PDE11A: variants seen among roughly 807,000 people sequenced by gnomAD.
The protein encoded by PDE11A is phosphodiesterase 11A, also known as dual 3',5'-cyclic-AMP and -GMP phosphodiesterase 11A.
Under a neutral mutation model 100.5 loss-of-function variants are expected in PDE11A, and 100 were observed. The ratio of observed to expected loss-of-function variants is 1.00; its 90% CI spans 0.85 to 1.18. PDE11A has a LOEUF of 1.18. Among genes scored for constraint, PDE11A ranks in the 50% most tolerant of loss-of-function variants. The pLI is 0.00. For synonymous variants in PDE11A, 381 were observed against 420.8 expected, an observed-to-expected ratio of 0.91 and a Z score of 1.16; for missense variants, 1,141 against 1,152.6, an observed-to-expected ratio of 0.99 and a Z score of 0.15.
intron 10 of PDE11A, among the ~76,000 whole-genome samples, chr2:177,756,877 A>C (rs1432996609): frequency 6.6e-6 from 1 of 152,220 alleles, no homozygotes; most frequent in African/African-American, 2.4e-5. Flanking sequence ...AACAAACCAA[A>C]ACATTCTTAG....
intron 6 of PDE11A, among the ~76,000 whole-genome samples, chr2:177,827,262 C>T (rs2083239937): frequency 6.6e-6 from 1 of 152,190 alleles, no homozygotes; most frequent in Non-Finnish European, 1.5e-5. Context: ...TGAAGAGCTA[C>T]AGAGTTCAGA....
rs184932304 is a variant in PDE11A, at chr2:178,006,961, G to A, written c.1071+7341C>T. ...CCTCTGTCTTGGCAGCATTTTAGAA[G>A]AGTGAATGAGAAAGACTTCAGTTCT... On this transcript the variant is annotated intron_variant, in intron 2 of 19. Transcript: ENST00000286063. 1.9e-3 allele frequency among the ~76,000 whole-genome samples: 284 copies of A among 152,274 alleles called. 3 individuals carry two copies. The South Asian group carries it at 0.023, about 12-fold the overall frequency.
intron 2 of PDE11A, among the ~76,000 whole-genome samples, chr2:178,096,770 A>G (rs1354726733): frequency 1.3e-5 from 2 of 152,228 alleles, no homozygotes; most frequent in Non-Finnish European, 2.9e-5. Flanking sequence ...GGTCAAAACC[A>G]TTCAACAAGT....
chr2:177,778,581 T>C (rs898056725), intron 9 of PDE11A, among the ~76,000 whole-genome samples: 4 of 152,202 alleles, frequency 2.6e-5, no homozygotes, highest in Non-Finnish European at 5.9e-5. Context: ...AAATAATTTA[T>C]ATTGATGAGC....
chr2:177,831,835 A>T (rs1201976436), intron 6 of PDE11A, among the ~76,000 whole-genome samples: 1 of 152,204 alleles, frequency 6.6e-6, no homozygotes, highest in Non-Finnish European at 1.5e-5. Context: ...TGATGCAGGG[A>T]TTGTAAATGT....
chr2:177,861,336 C>G lies in PDE11A; in HGVS notation c.1367+14523G>C, dbSNP rs1468975286. Reference sequence around the variant, plus strand: ...AAAATAATTTCATTTACAATAATATCAAAAAGAAAAAAACAGGAATAAATG... The same window carrying G: ...AAAATAATTTCATTTACAATAATATGAAAAAGAAAAAAACAGGAATAAATG... On this transcript the variant is annotated intron_variant, in intron 5 of 19. Transcript: ENST00000286063. 2.7e-5 allele frequency among the ~76,000 whole-genome samples: 4 copies of G among 150,622 alleles called. No individual in the cohort carries two copies. The South Asian group carries it at 8.4e-4, about 31-fold the overall frequency.
At chr2:177,794,816 C>G (rs62184508) in intron 9 of PDE11A, among the ~76,000 whole-genome samples, 31,575 of 151,854 alleles carry the variant, frequency 0.21, 3,645 homozygotes, top group Non-Finnish European at 0.23. Context: ...GACAGAGTCT[C>G]GCACTGTTGC....
chr2:178,039,366 T>C (rs1387360476), intron 1 of PDE11A, among the ~76,000 whole-genome samples: 1 of 152,042 alleles, frequency 6.6e-6, no homozygotes, highest in Non-Finnish European at 1.5e-5. Flanking sequence ...CAACAGACAT[T>C]GGGGTCTACT....
chr2:177,871,561 T>C (rs13010993), intron 5 of PDE11A, among the ~76,000 whole-genome samples: 14,368 of 130,356 alleles, frequency 0.11, 878 homozygotes, highest in African/African-American at 0.21. Context: ...TTATTATTAT[T>C]ATTATTATTA....
At chr2:177,971,726 G>C (rs765201452) in intron 2 of PDE11A, among the ~76,000 whole-genome samples, 5 of 151,982 alleles carry the variant, frequency 3.3e-5, no homozygotes, top group Non-Finnish European at 7.4e-5. Flanking sequence ...AGGTCACCAG[G>C]GTATTTCTCT....
At chr2:177,717,721 T>C (rs1160493735) in intron 12 of PDE11A, among the ~76,000 whole-genome samples, 1 of 152,172 alleles carries the variant, frequency 6.6e-6, no homozygotes, top group African/African-American at 2.4e-5. Flanking sequence ...TATTCCTTCA[T>C]TGGGCTGAAA....
intron 1 of PDE11A, chr2:178,105,685 G>T (rs1397993184): frequency 3.5e-6 from 3 of 847,296 alleles, no homozygotes; most frequent in Non-Finnish European, 1.7e-6. Context: ...CATAATGAAG[G>T]CCCTGAATGT....
intron 5 of PDE11A, among the ~76,000 whole-genome samples, chr2:177,859,783 A>G (rs1193786519): frequency 3.9e-5 from 6 of 152,094 alleles, no homozygotes; most frequent in East Asian, 3.9e-4. Flanking sequence ...TCCAAACACA[A>G]TGTGATAGAA....
chr2:177,675,413 CA>C (rs1559137927), intron 17 of PDE11A, 41 bp downstream of exon 17: 2 of 1,438,398 alleles, frequency 1.4e-6, no homozygotes, highest in Non-Finnish European at 2.0e-6. Context: ...TTACGCCCCC[CA>C]GTCCCTCCTC....
chr2:177,900,096 T>A (rs1057100979), intron 3 of PDE11A, among the ~76,000 whole-genome samples: 3 of 152,036 alleles, frequency 2.0e-5, no homozygotes, highest in African/African-American at 7.2e-5. Context: ...TTGTGAAAAA[T>A]AAAAAATAAA....
rs2080655324 is a variant in PDE11A at position 177,670,155 on chromosome 2, A to G, written c.2488-588T>C. ...GACTAATGCCAGATTCACTGTTCAT[A>G]GCAGACTTTTACAGTAGGTCACGGT... On this transcript the variant is annotated intron_variant, in intron 17 of 19. Coordinates refer to ENST00000286063, the MANE Select transcript of PDE11A (RefSeq NM_016953.4). 2.0e-5 allele frequency among the ~76,000 whole-genome samples: 3 copies of G among 152,312 alleles called. No homozygotes were observed. In the South Asian group the frequency reaches 6.2e-4, roughly 32 times the overall value.
chr2:178,061,224 G>T (rs2105865505), intron 1 of PDE11A, among the ~76,000 whole-genome samples: 1 of 152,178 alleles, frequency 6.6e-6, no homozygotes, highest in African/African-American at 2.4e-5. Context: ...ATCAGTTGTG[G>T]TTGGCAGAGT....
At chr2:177,634,042 C>G (rs1382798193) in intron 19 of PDE11A, among the ~76,000 whole-genome samples, 1 of 152,018 alleles carries the variant, frequency 6.6e-6, no homozygotes, top group Non-Finnish European at 1.5e-5. Flanking sequence ...TTTTTTCTTC[C>G]CTGGCAGGTA....
intron 1 of PDE11A, among the ~76,000 whole-genome samples, chr2:178,068,490 T>C (rs1416486009): frequency 6.6e-6 from 1 of 151,910 alleles, no homozygotes; most frequent in Non-Finnish European, 1.5e-5. Flanking sequence ...ATATAATTAT[T>C]AAATGATTAA....
Sources: gnomAD v4.1 joint callset for allele counts (sites outside exome capture counted in the v4.1 genomes callset) on GRCh38, gnomAD v4.1.1 for gene constraint, MANE v1.5 for transcripts, NCBI Gene and HGNC (gene_info 2026-07-23, HGNC 2026-07-21) for gene names.